The following MYCBPAP variants were observed in gnomAD, a reference collection of about 807,000 sequenced individuals.
MYCBPAP encodes the protein MYCBP-associated protein.
A neutral mutation model predicts 106.1 loss-of-function variants in MYCBPAP; 60 were observed. The ratio of observed to expected loss-of-function variants is 0.57; its 90% CI spans 0.46 to 0.70. MYCBPAP has a LOEUF of 0.70. MYCBPAP is among the 30% of genes least tolerant of loss of function. MYCBPAP has a pLI of 0.00. For missense variants in MYCBPAP, 1,064 were observed against 1,169.3 expected (o/e 0.91, Z 1.31); for synonymous variants, 407 against 440.6 (o/e 0.92, Z 0.95).
At chr17:50,529,274 C>G (rs1187585132) in intron 18 of MYCBPAP, 86 bp downstream of exon 18, 1 of 1,304,492 alleles carries the variant, frequency 7.7e-7, no homozygotes, top group Non-Finnish European at 1.0e-6. Context: ...AGTGCCCACT[C>G]CATCATGGTG....
chr17:50,518,853 A>G (rs550287217), intron 5 of MYCBPAP, 121 bp from the exon 6 acceptor site: 1 of 1,445,386 alleles, frequency 6.9e-7, no homozygotes, highest in Admixed American at 1.9e-5. Flanking sequence ...AGAGTGTCTC[A>G]CTCTGAAGCT....
chr17:50,522,175 T>C lies in MYCBPAP; in HGVS notation c.1257+94T>C. On this transcript the variant is annotated intron_variant, in intron 10 of 18. Coordinates refer to ENST00000323776, the MANE Select transcript of MYCBPAP (RefSeq NM_032133.6). ...GTTACCAGCAGCCTGCACAGTCTCC[T>C]GTTTGGGTTTTTATCTGGTCGTGCA... 6.0e-6 allele frequency: 6 copies of C among 997,172 alleles called. No homozygotes were observed. In the South Asian group the frequency reaches 8.3e-5, roughly 14 times the overall value. The allele number at this position is 997,172 out of a possible 1,614,324, so 61.8% of individuals were successfully genotyped here. A position where few individuals can be genotyped will look rare whatever the true frequency, so the allele number is the denominator to read the frequency against.
At chr17:50,515,394 A>G (rs2034012186) in intron 1 of MYCBPAP, among the ~76,000 whole-genome samples, 1 of 124,236 alleles carries the variant, frequency 8.0e-6, no homozygotes, top group African/African-American at 4.0e-5. Context: ...TGCTTAAACA[A>G]TCTTTATTAA....
chr17:50,529,713 C>T (rs1244946359), intron 18 of MYCBPAP: 1 of 455,638 alleles, frequency 2.2e-6, no homozygotes, highest in Non-Finnish European at 4.4e-6. Flanking sequence ...GGAGAACAGA[C>T]TCTAGGGGAA....
At chr17:50,512,031 C>T (rs77782356) in intron 1 of MYCBPAP, among the ~76,000 whole-genome samples, 1 of 151,602 alleles carries the variant, frequency 6.6e-6, no homozygotes, top group Non-Finnish European at 1.5e-5. Flanking sequence ...ATCACCACCT[C>T]TCCACCTCCC....
chr17:50,529,658 C>T (rs973657009), intron 18 of MYCBPAP: 2 of 436,246 alleles, frequency 4.6e-6, no homozygotes, highest in African/African-American at 2.0e-5. Context: ...AATAGAAACG[C>T]AATAGGGTCT....
At chr17:50,522,284 G>T in intron 10 of MYCBPAP, 1 of 496,714 alleles carries the variant, frequency 2.0e-6, no homozygotes, top group Non-Finnish European at 3.7e-6. Context: ...AAGCCACTTG[G>T]GGCTTATACC....
chr17:50,529,012 C>T lies in MYCBPAP; in HGVS notation c.2554-6C>T. 6.2e-7 allele frequency: 1 copy of T among 1,612,974 alleles called. No homozygotes were observed. Among genetic ancestry groups the T allele is most frequent in the South Asian group, 1.1e-5 (1 of 90,900 alleles). Reference sequence around the variant, plus strand: ...GAAGGCTATGTGTGTCTCCCTCCCCCAGCAGGACCGTCCCAACAGCAAGAA... The same window carrying T: ...GAAGGCTATGTGTGTCTCCCTCCCCTAGCAGGACCGTCCCAACAGCAAGAA... On this transcript the variant is annotated splice_polypyrimidine_tract_variant and splice_region_variant and intron_variant, in intron 17 of 18. Coordinates refer to ENST00000323776, the MANE Select transcript of MYCBPAP (RefSeq NM_032133.6).
intron 18 of MYCBPAP, chr17:50,530,176 C>A: frequency 2.4e-6 from 1 of 420,692 alleles, no homozygotes; most frequent in Non-Finnish European, 4.7e-6. Context: ...AACGTCAACC[C>A]TTCCATGGCT....
intron 13 of MYCBPAP, 184 bp downstream of exon 13, chr17:50,525,207 C>G: frequency 3.2e-6 from 2 of 626,120 alleles, no homozygotes; most frequent in Non-Finnish European, 5.4e-6. Flanking sequence ...GTGAACTGCG[C>G]ATGCGAGGGA....
At chr17:50,520,007 C>A in intron 7 of MYCBPAP, 1 of 528,814 alleles carries the variant, frequency 1.9e-6, no homozygotes, top group Non-Finnish European at 3.3e-6. Flanking sequence ...GGAGTGCAGC[C>A]ATAGAGCTGC....
At position 50,531,310 on chromosome 17, in the gene MYCBPAP, T is replaced by A. The variant is rs761336917; in HGVS notation, c.2725-17T>A. 6.3e-7 allele frequency: 1 copy of A among 1,587,718 alleles called. No homozygotes were observed. Among genetic ancestry groups the A allele is most frequent in the South Asian group, 1.1e-5 (1 of 88,648 alleles). ...CACAGAGTAAACTCTGCCTGTGATG[T>A]TGTCCCGTTCTTCCAGGTCCGTGGG... On this transcript the variant is annotated splice_polypyrimidine_tract_variant and intron_variant, in intron 18 of 18. Coordinates refer to ENST00000323776, the MANE Select transcript of MYCBPAP (RefSeq NM_032133.6).
intron 1 of MYCBPAP, 67 bp from the exon 2 acceptor site, chr17:50,516,503 G>A: frequency 6.6e-7 from 1 of 1,518,234 alleles, no homozygotes; most frequent in Admixed American, 2.0e-5. Flanking sequence ...TTTTATTTTT[G>A]TATGTATATA....
intron 4 of MYCBPAP, 49 bp downstream of exon 4, chr17:50,517,747 TTGGTCTCC>T (rs2034106905): frequency 6.6e-7 from 1 of 1,520,878 alleles, no homozygotes; most frequent in African/African-American, 1.4e-5. Context: ...TGAAGTCATT[TTGGTCTCC>T]CACCTGACAC....
chr17:50,521,502 G>T (rs987784269), intron 9 of MYCBPAP, 71 bp downstream of exon 9: 12 of 1,214,066 alleles, frequency 9.9e-6, no homozygotes, highest in Non-Finnish European at 1.3e-5. Flanking sequence ...TAAAGAGCGG[G>T]CTTCCCTCCC....
At chr17:50,521,261 T>C (rs2034249745) in intron 8 of MYCBPAP, 36 bp downstream of exon 8, 1 of 1,597,064 alleles carries the variant, frequency 6.3e-7, no homozygotes, top group Admixed American at 1.7e-5. Flanking sequence ...CAGAAGCCCC[T>C]TGGGGCGATG....
chr17:50,522,860 G>A (rs760876713), intron 10 of MYCBPAP, 79 bp from the exon 11 acceptor site: 184 of 1,458,896 alleles, frequency 1.3e-4, no homozygotes, highest in Non-Finnish European at 1.7e-4. Context: ...AGCCAGAAAA[G>A]TCCTGGGCAG....
intron 12 of MYCBPAP, 28 bp downstream of exon 12, chr17:50,523,812 T>C: frequency 6.3e-7 from 1 of 1,598,240 alleles, no homozygotes; most frequent in Non-Finnish European, 8.5e-7. Context: ...ATGGCCCCTG[T>C]GGACATCAGG....
intron 16 of MYCBPAP, 78 bp downstream of exon 16, chr17:50,528,348 C>A: frequency 8.2e-7 from 1 of 1,214,080 alleles, no homozygotes; most frequent in Non-Finnish European, 1.2e-6. Context: ...AGTGCCTGGG[C>A]CAGTCATACT....
Sources: allele counts gnomAD v4.1 joint callset (sites outside exome capture counted in the v4.1 genomes callset), GRCh38; gene constraint gnomAD v4.1.1; transcripts MANE v1.5; gene names NCBI Gene and HGNC (gene_info 2026-07-23, HGNC 2026-07-21).